GRID2: variants seen among roughly 807,000 people sequenced by gnomAD.
GRID2 encodes glutamate receptor ionotropic, delta-2.
Under a neutral mutation model 114.8 loss-of-function variants are expected in GRID2, and 33 were observed. That is an observed-to-expected ratio of 0.29 (90% CI 0.22 to 0.38). The LOEUF (loss-of-function observed/expected upper bound fraction) is 0.38. Among genes scored for constraint, GRID2 ranks in the 10% least tolerant of loss-of-function variants. GRID2 has a pLI of 1.00. For missense variants in GRID2, 1,184 were observed against 1,257.7 expected (o/e 0.94, Z 0.89); for synonymous variants, 505 against 449.9 (o/e 1.12, Z -1.55).
intron 2 of GRID2, among the ~76,000 whole-genome samples, chr4:92,940,406 T>A (rs970264473): frequency 6.8e-6 from 1 of 147,494 alleles, no homozygotes; most frequent in Non-Finnish European, 1.5e-5. Flanking sequence ...TGATTTTTTG[T>A]ACATTGAGTT....
intron 2 of GRID2, among the ~76,000 whole-genome samples, chr4:92,673,163 ATG>A (rs1733159196): frequency 6.6e-6 from 1 of 152,088 alleles, no homozygotes; most frequent in Non-Finnish European, 1.5e-5. Context: ...ATCTAGATAG[ATG>A]TGTGTATCTT....
intron 13 of GRID2, among the ~76,000 whole-genome samples, chr4:93,546,870 C>CTCTTT (rs1733271007): frequency 6.6e-6 from 1 of 152,104 alleles, no homozygotes; most frequent in Non-Finnish European, 1.5e-5. Context: ...CTGGTACCTA[C>CTCTTT]TCTTTTCTGT....
intron 2 of GRID2, among the ~76,000 whole-genome samples, chr4:92,975,132 G>C (rs1233213339): frequency 9.5e-6 from 1 of 105,710 alleles, no homozygotes; most frequent in Non-Finnish European, 1.8e-5. Flanking sequence ...ACTCCAGCCT[G>C]GGCGACAGAG....
chr4:92,956,480 C>A (rs1160375608), intron 2 of GRID2, among the ~76,000 whole-genome samples: 1 of 152,112 alleles, frequency 6.6e-6, no homozygotes, highest in African/African-American at 2.4e-5. Context: ...TATGTTTCTT[C>A]CATGTCTTTT....
At position 93,329,333 on chromosome 4, in the gene GRID2, C is replaced by A. The variant is rs995295726; in HGVS notation, c.1246-66274C>A. On this transcript the variant is annotated intron_variant, in intron 8 of 15. Transcript: ENST00000282020. ...TACATTGAATTTATATCAGTAAACACCCTTAGTCTATAGTATTTAAATGCT... is the reference window on the plus strand; with the variant it reads ...TACATTGAATTTATATCAGTAAACAACCTTAGTCTATAGTATTTAAATGCT... Among the ~76,000 whole-genome samples, 10 of 152,158 alleles carry A rather than the reference C, an allele frequency of 6.6e-5. No homozygotes were observed. In the East Asian group the frequency reaches 9.6e-4, roughly 15 times the overall value.
intron 2 of GRID2, among the ~76,000 whole-genome samples, chr4:92,725,800 C>A (rs1431969803): frequency 1.3e-5 from 2 of 152,194 alleles, no homozygotes; most frequent in East Asian, 3.9e-4. Context: ...TTATTATAGC[C>A]TCACAGATTT....
At chr4:93,606,236 C>G (rs1267840908) in intron 13 of GRID2, among the ~76,000 whole-genome samples, 1 of 151,878 alleles carries the variant, frequency 6.6e-6, no homozygotes, top group Non-Finnish European at 1.5e-5. Context: ...CTCTGCACTC[C>G]AACCTGGGCG....
chr4:92,476,236 A>G (rs1267831449), intron 1 of GRID2, among the ~76,000 whole-genome samples: 1 of 152,108 alleles, frequency 6.6e-6, no homozygotes, highest in Non-Finnish European at 1.5e-5. Context: ...CGTGTTAGCC[A>G]GGATGGTCTC....
At chr4:93,243,984 A>G (rs1747841949) in intron 8 of GRID2, among the ~76,000 whole-genome samples, 1 of 152,122 alleles carries the variant, frequency 6.6e-6, no homozygotes, top group Non-Finnish European at 1.5e-5. Context: ...TTTCTAAAAA[A>G]AAAATTAATT....
intron 2 of GRID2, among the ~76,000 whole-genome samples, chr4:92,656,498 T>A (rs915106744): frequency 2.0e-5 from 3 of 151,630 alleles, no homozygotes; most frequent in African/African-American, 4.8e-5. Flanking sequence ...TTTCTAATCA[T>A]TTCACACAGT....
At chr4:93,176,086 A>T (rs998518093) in intron 4 of GRID2, among the ~76,000 whole-genome samples, 2 of 152,234 alleles carry the variant, frequency 1.3e-5, no homozygotes, top group Non-Finnish European at 2.9e-5. Flanking sequence ...AATAATCAAC[A>T]GTTAATAAGC....
intron 8 of GRID2, among the ~76,000 whole-genome samples, chr4:93,247,923 G>A (rs941964068): frequency 6.6e-6 from 1 of 152,044 alleles, no homozygotes; most frequent in South Asian, 2.1e-4. Flanking sequence ...GACCGAGATA[G>A]TCTGTGGTGT....
At chr4:92,673,513 C>T (rs756277492) in intron 2 of GRID2, among the ~76,000 whole-genome samples, 12 of 152,156 alleles carry the variant, frequency 7.9e-5, no homozygotes, top group African/African-American at 2.4e-4. Context: ...TTTCCCTCTA[C>T]GCTTAAGGAG....
chr4:93,474,116 C>A (rs1442506328), intron 11 of GRID2, among the ~76,000 whole-genome samples: 2 of 151,958 alleles, frequency 1.3e-5, no homozygotes, highest in South Asian at 2.1e-4. Flanking sequence ...TTTATAATTC[C>A]AATACTGGGT....
chr4:93,157,503 T>C (rs1314030904), intron 4 of GRID2, among the ~76,000 whole-genome samples: 1 of 151,770 alleles, frequency 6.6e-6, no homozygotes, highest in Non-Finnish European at 1.5e-5. Flanking sequence ...ACCAAAATTA[T>C]ACAATTTGTA....
intron 13 of GRID2, among the ~76,000 whole-genome samples, chr4:93,599,239 C>T (rs1739428499): frequency 6.6e-6 from 1 of 152,098 alleles, no homozygotes; most frequent in Non-Finnish European, 1.5e-5. Flanking sequence ...GCATCTATTC[C>T]ACTAGAGAAT....
intron 1 of GRID2, among the ~76,000 whole-genome samples, chr4:92,558,183 A>G (rs900016222): frequency 5.3e-5 from 8 of 152,142 alleles, no homozygotes; most frequent in African/African-American, 9.7e-5. Flanking sequence ...ATGCCAAGAT[A>G]TATAGACACT....
rs1158335561 is a variant in GRID2 at position 93,623,460 on chromosome 4, G to A, written c.2194-2809G>A. On this transcript the variant is annotated intron_variant, in intron 13 of 15. Coordinates refer to ENST00000282020, the MANE Select transcript of GRID2 (RefSeq NM_001510.4). ...TCATCCATGTCCCTGCAAAGGACAC[G>A]AACTGCCAGCAATTCCATTACTGGG... is the stretch of plus-strand genomic sequence containing the variant. Among the ~76,000 whole-genome samples the A allele has an allele frequency of 3.3e-5, 5 of 152,004 alleles. No homozygotes were observed. The East Asian group carries it at 5.8e-4, about 18-fold the overall frequency.
At chr4:93,707,157 T>A in intron 14 of GRID2, among the ~76,000 whole-genome samples, 1 of 152,114 alleles carries the variant, frequency 6.6e-6, no homozygotes, top group Non-Finnish European at 1.5e-5. Flanking sequence ...TATTGGCCAG[T>A]AGTTTTCCCT....
Sources: gnomAD v4.1 joint callset for allele counts (sites outside exome capture counted in the v4.1 genomes callset) on GRCh38, gnomAD v4.1.1 for gene constraint, MANE v1.5 for transcripts, NCBI Gene and HGNC (gene_info 2026-07-23, HGNC 2026-07-21) for gene names.